Variants in RAF1 observed in about 807,000 individuals in gnomAD.
The protein encoded by RAF1 is RAF proto-oncogene serine/threonine-protein kinase.
In RAF1, 27 loss-of-function variants were observed where a neutral mutation model predicts 81.1. That is an observed-to-expected ratio of 0.33 (90% CI 0.25 to 0.46). The LOEUF (loss-of-function observed/expected upper bound fraction) is 0.46, where lower values mean the gene tolerates loss of function less well. Ranked by LOEUF, RAF1 falls within the 20% of genes least tolerant of loss-of-function variation. The probability of loss-of-function intolerance (pLI) is 1.00; values close to 1 mark genes in which losing one functional copy is unlikely to be tolerated. For missense variants in RAF1, 598 were observed against 826.0 expected, an observed-to-expected ratio of 0.72 and a Z score of 3.38; for synonymous variants, 298 against 294.0, an observed-to-expected ratio of 1.01 and a Z score of -0.14.
At chr3:12,656,684 G>C (rs2060703958) in intron 1 of RAF1, among the ~76,000 whole-genome samples, 1 of 152,112 alleles carries the variant, frequency 6.6e-6, no homozygotes, top group African/African-American at 2.4e-5. Flanking sequence ...TTTAAACTGA[G>C]ACATAAGACA....
In RAF1 at chr3:12,590,988, G is replaced by A. The variant is rs1261846223; in HGVS notation, c.1254-14C>T. 1 of 1,599,172 alleles carries A rather than the reference G, an allele frequency of 6.3e-7. No individual in the cohort carries two copies. Among genetic ancestry groups the A allele is most frequent in the Non-Finnish European group, 8.6e-7 (1 of 1,169,192 alleles). ...TGCCGTGTTTTGCTGGGGAGGGGAG[G>A]GGAAGAGAGGAGAGGGAGGAGGAAA... On this transcript the variant is annotated splice_polypyrimidine_tract_variant and intron_variant, in intron 12 of 17. Transcript: ENST00000442415.
chr3:12,659,448 A>G (rs1385273597), intron 1 of RAF1, among the ~76,000 whole-genome samples: 2 of 150,868 alleles, frequency 1.3e-5, no homozygotes, highest in African/African-American at 4.9e-5. Context: ...AAAAAAAATT[A>G]CACGCAAGAT....
At chr3:12,604,518 A>G (rs1378253072) in intron 6 of RAF1, among the ~76,000 whole-genome samples, 1 of 152,248 alleles carries the variant, frequency 6.6e-6, no homozygotes, top group Non-Finnish European at 1.5e-5. Context: ...TGGGAATTCA[A>G]TGAAAAGGAG....
chr3:12,664,067 G>A lies in RAF1; in HGVS notation c.-281C>T. ...AGAAAGCCGTTCCCGCCTCACAATCGTTTTCCTCTTACTCCCGCCATCTAA... is the reference window on the plus strand; with the variant it reads ...AGAAAGCCGTTCCCGCCTCACAATCATTTTCCTCTTACTCCCGCCATCTAA... On this transcript the variant is annotated 5_prime_UTR_variant, in exon 1 of 18. In the 5' UTR this introduces an upstream ATG that the reference lacks. Coordinates refer to ENST00000442415, the MANE Select transcript of RAF1 (RefSeq NM_001354689.3). 2.5e-6 allele frequency: 1 copy of A among 398,360 alleles called. No homozygotes were observed. The highest frequency in any genetic ancestry group is 4.4e-6 in the Non-Finnish European group (1 of 225,920). 24.7% of individuals were successfully genotyped at this position (398,360 alleles called of 1,614,324 possible).
chr3:12,643,893 T>C (rs1559479625), intron 1 of RAF1, among the ~76,000 whole-genome samples: 3 of 152,186 alleles, frequency 2.0e-5, no homozygotes. Context: ...GATAAAGGCA[T>C]TTTCAACTCA....
At chr3:12,654,515 T>C (rs2060626411) in intron 1 of RAF1, among the ~76,000 whole-genome samples, 2 of 151,468 alleles carry the variant, frequency 1.3e-5, no homozygotes. Context: ...GGAGGGAAGA[T>C]GGCTTGTGCC....
Position 12,609,018 on chromosome 3 carries a change from T to G in RAF1, c.424-95A>C, listed in dbSNP as rs560694080. 34 of 1,341,274 alleles carry G rather than the reference T, an allele frequency of 2.5e-5. No homozygotes were observed. In the East Asian group the frequency reaches 8.1e-4, roughly 32 times the overall value. 83.1% of individuals were successfully genotyped at this position (1,341,274 alleles called of 1,614,324 possible). On this transcript the variant is annotated intron_variant, in intron 4 of 17. Coordinates refer to ENST00000442415, the MANE Select transcript of RAF1 (RefSeq NM_001354689.3). ...GGCCTCCAAAAAAGTTTTTACAAAA[T>G]GAATCATACTTCCAGCATGTACAGA...
intron 1 of RAF1, among the ~76,000 whole-genome samples, chr3:12,619,384 T>C (rs2059480383): frequency 6.6e-6 from 1 of 151,732 alleles, no homozygotes; most frequent in Admixed American, 6.6e-5. Flanking sequence ...GCTAACATGG[T>C]AAAATGCTGT....
Position 12,584,470 on chromosome 3 carries a change from C to T in RAF1, c.*44G>A, listed in dbSNP as rs762765833. 6.2e-7 allele frequency: 1 copy of T among 1,613,534 alleles called. No individual in the cohort carries two copies. Among genetic ancestry groups the T allele is most frequent in the South Asian group, 1.1e-5 (1 of 91,054 alleles). On this transcript the variant is annotated 3_prime_UTR_variant, in exon 18 of 18. Transcript: ENST00000442415. ...GGAGCAGAAAAGTGGTGCCTGCTGGCTTCTCCTCCTCCCCTGGCAGCCTGA... is the reference window on the plus strand; with the variant it reads ...GGAGCAGAAAAGTGGTGCCTGCTGGTTTCTCCTCCTCCCCTGGCAGCCTGA...
intron 1 of RAF1, among the ~76,000 whole-genome samples, chr3:12,635,645 AAAAAAAAAAAAAAAAGAG>A (rs1351517012): frequency 6.7e-6 from 1 of 149,210 alleles, no homozygotes; most frequent in African/African-American, 2.5e-5. Flanking sequence ...TCCAAAAAAA[AAAAAAAAAAAAAAAAGAG>A]AGAGAGAGAT....
chr3:12,613,437 C>A (rs964032715), intron 2 of RAF1, among the ~76,000 whole-genome samples: 7 of 151,154 alleles, frequency 4.6e-5, no homozygotes, highest in Non-Finnish European at 1.0e-4. Flanking sequence ...CCACACCCCG[C>A]CCCCAGAAGG....
Position 12,591,812 on chromosome 3 carries a change from T to G in RAF1, c.1169-20A>C. Reference sequence around the variant, plus strand: ...CATCTCCTGCAAAATTAGTTGGCAGTCAGTGCAATCAGTTGAATGATCTCA... The same window carrying G: ...CATCTCCTGCAAAATTAGTTGGCAGGCAGTGCAATCAGTTGAATGATCTCA... On this transcript the variant is annotated intron_variant, in intron 11 of 17. Transcript: ENST00000442415. 1 of 1,544,312 alleles carries G rather than the reference T, an allele frequency of 6.5e-7. No individual in the cohort carries two copies. Among genetic ancestry groups the G allele is most frequent in the Non-Finnish European group, 9.0e-7 (1 of 1,116,334 alleles).
Position 12,655,007 on chromosome 3 carries a change from C to CT in RAF1, c.-27+8805_-27+8806insA, listed in dbSNP as rs1553624750. On this transcript the variant is annotated intron_variant, in intron 1 of 17. Coordinates refer to ENST00000442415, the MANE Select transcript of RAF1 (RefSeq NM_001354689.3). Reference sequence around the variant, plus strand: ...CCTGGTAAACATAGTGAGACCCCCCCCCCGCCATCTCTAAAATAGTAAAAA... The same window carrying CT: ...CCTGGTAAACATAGTGAGACCCCCCCTCCCGCCATCTCTAAAATAGTAAAAA... Among the ~76,000 whole-genome samples, 10 of 148,556 alleles carry CT rather than the reference C, an allele frequency of 6.7e-5. No homozygotes were observed. In the South Asian group the frequency reaches 1.2e-3, roughly 17 times the overall value.
In RAF1 at chr3:12,584,835, C is replaced by A; in HGVS notation, c.1863+12G>T. On this transcript the variant is annotated intron_variant, in intron 17 of 17. Transcript: ENST00000442415. Reference sequence around the variant, plus strand: ...CATGCTTTAATCACATTCTAGCAGCCCTGAGCCTTACCTGGGGAAAAAGAG... The same window carrying A: ...CATGCTTTAATCACATTCTAGCAGCACTGAGCCTTACCTGGGGAAAAAGAG... 1 of 1,614,000 alleles carries A rather than the reference C, an allele frequency of 6.2e-7. No homozygotes were observed. The highest frequency in any genetic ancestry group is 8.5e-7 in the Non-Finnish European group (1 of 1,179,922).
chr3:12,595,366 CCAAT>C (rs775857580), intron 11 of RAF1, among the ~76,000 whole-genome samples: 1 of 152,092 alleles, frequency 6.6e-6, no homozygotes, highest in African/African-American at 2.4e-5. Context: ...GCCACTGCAC[CCAAT>C]CAAACTATTT....
intron 11 of RAF1, among the ~76,000 whole-genome samples, chr3:12,599,460 T>C (rs2058788041): frequency 6.6e-6 from 1 of 152,216 alleles, no homozygotes; most frequent in Non-Finnish European, 1.5e-5. Flanking sequence ...CTCCTGACAT[T>C]TGATTATAGG....
intron 11 of RAF1, chr3:12,592,187 GT>G (rs2058537555): frequency 2.9e-6 from 1 of 340,586 alleles, no homozygotes; most frequent in Admixed American, 4.1e-5. Flanking sequence ...GTGAGGTCAT[GT>G]GTGACAGGTC....
chr3:12,649,401 C>T (rs959345699), intron 1 of RAF1, among the ~76,000 whole-genome samples: 1 of 152,076 alleles, frequency 6.6e-6, no homozygotes, highest in Non-Finnish European at 1.5e-5. Context: ...AGTTCAAGAC[C>T]ACCCTGGTCA....
chr3:12,609,523 TG>T (rs1438417384), intron 3 of RAF1, among the ~76,000 whole-genome samples, 188 bp from the exon 4 acceptor site: 2 of 152,144 alleles, frequency 1.3e-5, no homozygotes, highest in African/African-American at 4.8e-5. Context: ...ATAAGAAAAC[TG>T]GGACTCTAAG....
Sources: allele counts gnomAD v4.1 joint callset (sites outside exome capture counted in the v4.1 genomes callset), GRCh38; gene constraint gnomAD v4.1.1; transcripts MANE v1.5; gene names NCBI Gene and HGNC (gene_info 2026-07-23, HGNC 2026-07-21).